Variants in FASN observed in about 807,000 individuals in gnomAD.
FASN encodes fatty acid synthase, also known as 3-hydroxyacyl-[acyl-carrier-protein] dehydratase.
Under a neutral mutation model 250.0 loss-of-function variants are expected in FASN, and 50 were observed. The ratio of observed to expected loss-of-function variants is 0.20; its 90% CI spans 0.16 to 0.25. The LOEUF is 0.25. FASN is among the 10% of genes least tolerant of loss of function. The pLI, the probability that FASN is intolerant of heterozygous loss-of-function variation, is 1.00. For missense variants in FASN, 3,031 were observed against 3,498.5 expected (o/e 0.87, Z 3.37); for synonymous variants, 1,909 against 1,584.0 (o/e 1.21, Z -4.87).
chr17:82,081,882 G>T, intron 36 of FASN, 39 bp from the exon 37 acceptor site: 3 of 1,439,390 alleles, frequency 2.1e-6, no homozygotes, highest in Non-Finnish European at 2.8e-6. Flanking sequence ...CTGCGGGGAG[G>T]TCGGGGTGGG....
intron 38 of FASN, 118 bp downstream of exon 38, chr17:82,081,046 G>T: frequency 1.4e-6 from 2 of 1,397,342 alleles, no homozygotes; most frequent in Non-Finnish European, 2.0e-6. Context: ...GGGTGGGAAC[G>T]CTCAGAATGG....
intron 3 of FASN, among the ~76,000 whole-genome samples, chr17:82,095,040 AGCCCCG>A (rs1373175796): frequency 6.6e-6 from 1 of 152,102 alleles, no homozygotes; most frequent in Non-Finnish European, 1.5e-5. Flanking sequence ...TCGTCACTCC[AGCCCCG>A]GCCCCGGCCC....
Position 82,087,111 on chromosome 17 carries a change from G to A in FASN, c.3366C>T (p.His1122=). 6.2e-7 allele frequency: 1 copy of A among 1,612,170 alleles called. No individual in the cohort carries two copies. Among genetic ancestry groups the A allele is most frequent in the Non-Finnish European group, 8.5e-7 (1 of 1,179,920 alleles). Residue 1122 remains histidine, a synonymous_variant, in exon 21 of 43, where the codon CAC becomes CAT. Coordinates refer to ENST00000306749, the MANE Select transcript of FASN (RefSeq NM_004104.5). ...GCTCAGACAGGCACCCCTCCTCCGTGTGGGGAGTGAAGCAAAACTTCTCCA... is the reference window on the plus strand; with the variant it reads ...GCTCAGACAGGCACCCCTCCTCCGTATGGGGAGTGAAGCAAAACTTCTCCA... ...PILEKFCFTP[H]TEEGCLSERA... is the part of the protein sequence containing the mutation.
intron 8 of FASN, 60 bp from the exon 9 acceptor site, chr17:82,091,744 G>T: frequency 6.9e-7 from 1 of 1,440,132 alleles, no homozygotes; most frequent in Non-Finnish European, 9.4e-7. Flanking sequence ...GCCTGAGCTG[G>T]GGGCAGGCAC....
rs1336147708 is a variant in FASN, at chr17:82,079,287, G to A, written c.7399-7C>T. On this transcript the variant is annotated splice_region_variant and splice_polypyrimidine_tract_variant and intron_variant, in intron 42 of 42. Coordinates refer to ENST00000306749, the MANE Select transcript of FASN (RefSeq NM_004104.5). ...ATACTTTCCCGTCGCATACCTGCAG[G>A]GGATGCGATCAGCTGCCGTCCCACC... 2.5e-6 allele frequency: 4 copies of A among 1,613,048 alleles called. No homozygotes were observed. The highest frequency in any genetic ancestry group is 3.4e-6 in the Non-Finnish European group (4 of 1,179,944).
In FASN at chr17:82,082,092, C is replaced by T; in HGVS notation, c.6080G>A (p.Gly2027Asp). 1 of 1,609,542 alleles carries T rather than the reference C, an allele frequency of 6.2e-7. No individual in the cohort carries two copies. Residue 2027 changes from glycine to aspartate, a missense_variant, in exon 36 of 43, where the codon GGC becomes GAC. Physicochemically the swap from Gly to Asp is moderately conservative, Grantham distance 94. Coordinates refer to ENST00000306749, the MANE Select transcript of FASN (RefSeq NM_004104.5). ...GCCGTAGTTGCTCTGTCCCGCATTG[C>T]CACGCCCGCAGCTCACAGAGGAGAA... is the stretch of plus-strand genomic sequence containing the variant. Reference protein sequence around the residue: ...VVFSSVSCGRGNAGQSNYGFA... With the variant: ...VVFSSVSCGRDNAGQSNYGFA...
At chr17:82,094,326 CAGG>C (rs1396524943) in intron 3 of FASN, 2 of 194,442 alleles carry the variant, frequency 1.0e-5, no homozygotes, top group African/African-American at 2.4e-5. Context: ...AGGAAGGGCG[CAGG>C]AGAAGGGCTT....
At chr17:82,090,599 C>A in intron 10 of FASN, 35 bp from the exon 11 acceptor site, 2 of 1,583,928 alleles carry the variant, frequency 1.3e-6, no homozygotes, top group Non-Finnish European at 1.7e-6. Flanking sequence ...GTTGCAACCT[C>A]CAGCAGGTGC....
In FASN at chr17:82,085,246, A is replaced by G. The variant is rs748965996; in HGVS notation, c.4279T>C (p.Ser1427Pro). The G allele has an allele frequency of 3.1e-6, 5 of 1,611,124 alleles. No individual in the cohort carries two copies. In the African/African-American group the frequency reaches 4.0e-5, roughly 13 times the overall value. Reference protein sequence around the residue: ...VDDTSFRWVESLKGILADEDS... With the variant: ...VDDTSFRWVEPLKGILADEDS... ...GTGGGGCAGGGCCTGACCTTCAGAG[A>G]CTCCACCCAGCGGAAGCTGGTATCG... is the stretch of plus-strand genomic sequence containing the variant. Residue 1427 changes from serine (S) to proline (P), a missense_variant, in exon 24 of 43, where the codon TCT becomes CCT. By Grantham distance (74) the Ser-to-Pro change is moderately conservative (BLOSUM62 -1). Coordinates refer to ENST00000306749, the MANE Select transcript of FASN (RefSeq NM_004104.5).
In FASN at chr17:82,096,419, C is replaced by T. The variant is rs2034304502; in HGVS notation, c.27G>A (p.Met9Ile). MEEVVIAG[M>I]SGKLPESENL... Reference sequence around the variant, plus strand: ...TCTCCGACTCTGGCAGCTTCCCGGACATGCCGGCAATCACCACCTCCTCCA... The same window carrying T: ...TCTCCGACTCTGGCAGCTTCCCGGATATGCCGGCAATCACCACCTCCTCCA... The change falls in exon 2 of 43, where the codon ATG becomes ATA. Residue 9 changes from methionine to isoleucine, a missense_variant. Physicochemically the swap from Met to Ile is conservative, Grantham distance 10. Coordinates refer to ENST00000306749, the MANE Select transcript of FASN (RefSeq NM_004104.5). The T allele has an allele frequency of 1.2e-6, 2 of 1,612,658 alleles. No homozygotes were observed. The highest frequency in any genetic ancestry group is 1.7e-6 in the Non-Finnish European group (2 of 1,179,990).
rs765127483 is a variant in FASN at position 82,092,931 on chromosome 17, G to A, written c.744C>T (p.Asn248=). The A allele has an allele frequency of 3.2e-5, 52 of 1,607,872 alleles. No individual in the cohort carries two copies. The highest frequency in any genetic ancestry group is 5.5e-5 in the South Asian group (5 of 90,178). Residue 248 remains asparagine, a synonymous_variant, in exon 6 of 43, where the codon AAC becomes AAT. Coordinates refer to ENST00000306749, the MANE Select transcript of FASN (RefSeq NM_004104.5). ...TGAAGCCATCTGTATTGGTGCCGGC[G>A]TTCAGGATGGTGGCGTACACCCGCC... The part of the protein sequence containing the change: ...LARRVYATIL[N]AGTNTDGFKE...
At chr17:82,081,445 C>T in intron 37 of FASN, 93 bp from the exon 38 acceptor site, 4 of 1,568,150 alleles carry the variant, frequency 2.6e-6, no homozygotes, top group Non-Finnish European at 3.5e-6. Context: ...GTGGGCTGTG[C>T]ATCTCCCAAA....
chr17:82,080,275 G>A (rs1372341598), intron 40 of FASN, 37 bp from the exon 41 acceptor site: 2 of 1,611,482 alleles, frequency 1.2e-6, no homozygotes, highest in Admixed American at 1.7e-5. Context: ...AGATGGAAGG[G>A]GCGGGGCCTC....
chr17:82,092,801 G>A lies in FASN; in HGVS notation c.790C>T (p.Pro264Ser), dbSNP rs938401706. 7 of 1,599,510 alleles carry A rather than the reference G, an allele frequency of 4.4e-6. No individual in the cohort carries two copies. The highest frequency in any genetic ancestry group is 2.3e-5 in the East Asian group (1 of 44,112). Residue 264 changes from proline to serine, a missense_variant, in exon 7 of 43, where the codon CCC becomes TCC. Coordinates refer to ENST00000306749, the MANE Select transcript of FASN (RefSeq NM_004104.5). ...AGCTGCTCCTGGATATCCCCTGAGG[G>A]GAAGGTCACGCCTGCGGAGGGCTCG... ...DGFKEQGVTF[P>S]SGDIQEQLIR...
chr17:82,081,384 G>T, intron 37 of FASN, 32 bp from the exon 38 acceptor site: 1 of 1,560,364 alleles, frequency 6.4e-7, no homozygotes. Flanking sequence ...GGCAACTCCA[G>T]AGGGGGCATG....
chr17:82,085,875 T>C lies in FASN; in HGVS notation c.3733-4A>G. On this transcript the variant is annotated splice_region_variant and splice_polypyrimidine_tract_variant and intron_variant, in intron 22 of 42. Coordinates refer to ENST00000306749, the MANE Select transcript of FASN (RefSeq NM_004104.5). ...GGTGACCGTGGCCAGCCAGCACCTG[T>C]AGGGGGTGAATTCTGGAATCAGCCC... is the stretch of plus-strand genomic sequence containing the variant. 4 of 1,530,530 alleles carry C rather than the reference T, an allele frequency of 2.6e-6. No individual in the cohort carries two copies. The highest frequency in any genetic ancestry group is 3.5e-6 in the Non-Finnish European group (4 of 1,142,604). The allele number at this position is 1,530,530 out of a possible 1,614,324, so 94.8% of individuals were successfully genotyped here.
rs777008444 is a variant in FASN at position 82,088,721 on chromosome 17, C to T, written c.2420+40G>A. On this transcript the variant is annotated intron_variant, in intron 15 of 42. Transcript: ENST00000306749. ...CCGCTCACCCACCCCACGCCGTCCC[C>T]GACTCCGGGAGACGAGACCCGGGCT... 41 of 1,584,230 alleles carry T rather than the reference C, an allele frequency of 2.6e-5. 1 individual carries two copies. In the Admixed American group the frequency reaches 2.9e-4, roughly 11 times the overall value.
intron 26 of FASN, 21 bp downstream of exon 26, chr17:82,084,778 A>T (rs1407275681): frequency 1.3e-6 from 2 of 1,550,200 alleles, no homozygotes; most frequent in Non-Finnish European, 8.7e-7. Flanking sequence ...CGGGAGGGGC[A>T]GGGCAGTGTC....
chr17:82,096,539 C>G, intron 1 of FASN, 87 bp from the exon 2 acceptor site: 1 of 1,587,126 alleles, frequency 6.3e-7, no homozygotes, highest in Non-Finnish European at 8.5e-7. Context: ...GGTGGACACC[C>G]ATGGGGCCAA....
Sources: allele counts gnomAD v4.1 joint callset (sites outside exome capture counted in the v4.1 genomes callset), GRCh38; gene constraint gnomAD v4.1.1; transcripts MANE v1.5; gene names NCBI Gene and HGNC (gene_info 2026-07-23, HGNC 2026-07-21).